ICE1: variants seen among roughly 807,000 people sequenced by gnomAD.
ICE1 encodes little elongation complex subunit 1.
ICE1 carries 64 observed loss-of-function variants against 192.7 expected under a neutral mutation model. That is an observed-to-expected ratio of 0.33 (90% CI 0.27 to 0.41). ICE1 has a LOEUF of 0.41. Among genes scored for constraint, ICE1 ranks in the 10% least tolerant of loss-of-function variants. ICE1 has a pLI of 1.00. For missense variants in ICE1, 2,708 were observed against 2,696.0 expected (o/e 1.00, Z -0.10); for synonymous variants, 1,010 against 984.5 (o/e 1.03, Z -0.49).
chr5:5,465,069 A>G lies in ICE1; in HGVS notation c.5735A>G (p.Asp1912Gly). The change falls in exon 13 of 19, where the codon GAT becomes GGT. Residue 1912 changes from aspartate (D) to glycine (G), a missense_variant. Physicochemically the swap from Asp to Gly is moderately conservative, Grantham distance 94 (BLOSUM62 -1). This residue lies in a region of ICE1 where 2,366 missense variants were observed against 2,276.6 expected (regional missense o/e 1.04). Coordinates refer to ENST00000296564, the MANE Select transcript of ICE1 (RefSeq NM_015325.3). Reference sequence around the variant, plus strand: ...CCAAAAGAAACTGTGGAGTCCCATGATAAAGCCATAGCTAATGCCCTGAAG... The same window carrying G: ...CCAAAAGAAACTGTGGAGTCCCATGGTAAAGCCATAGCTAATGCCCTGAAG... The part of the protein sequence containing the change: ...LSPKETVESH[D>G]KAIANALKKI... 6.2e-7 allele frequency: 1 copy of G among 1,613,968 alleles called. No homozygotes were observed. Among genetic ancestry groups the G allele is most frequent in the South Asian group, 1.1e-5 (1 of 91,056 alleles).
intron 7 of ICE1, 106 bp downstream of exon 7, chr5:5,444,432 G>C (rs962658263): frequency 2.5e-6 from 2 of 790,604 alleles, no homozygotes; most frequent in Non-Finnish European, 4.2e-6. Context: ...TATGGTTTTT[G>C]ATGGTACATC....
chr5:5,423,135 C>T (rs1344172954), intron 1 of ICE1, 136 bp downstream of exon 1: 8 of 442,838 alleles, frequency 1.8e-5, no homozygotes, highest in Middle Eastern at 6.1e-4. Context: ...CTCTTGCTCG[C>T]TCGTCTCTCT....
Position 5,422,981 on chromosome 5 carries a change from C to T in ICE1, c.66C>T (p.Gly22=). 1 of 1,449,234 alleles carries T rather than the reference C, an allele frequency of 6.9e-7. No homozygotes were observed. Among genetic ancestry groups the T allele is most frequent in the Non-Finnish European group, 9.1e-7 (1 of 1,102,470 alleles). The allele number at this position is 1,449,234 out of a possible 1,614,324, so 89.8% of individuals were successfully genotyped here. A position where few individuals can be genotyped will look rare whatever the true frequency, so the allele number is the denominator to read the frequency against. ...GTAADLSRCQ[G]CASLQQNLNE... ...CGGCGGACCTGTCGCGATGTCAGGGCTGCGCCTCTCTGCAGCAGGTGCAGC... is the reference window on the plus strand; with the variant it reads ...CGGCGGACCTGTCGCGATGTCAGGGTTGCGCCTCTCTGCAGCAGGTGCAGC... The change falls in exon 1 of 19, where the codon GGC becomes GGT. Residue 22 remains glycine (G), a synonymous_variant. Coordinates refer to ENST00000296564, the MANE Select transcript of ICE1 (RefSeq NM_015325.3).
At chr5:5,481,311 T>G (rs1160193931) in intron 17 of ICE1, among the ~76,000 whole-genome samples, 2 of 152,220 alleles carry the variant, frequency 1.3e-5, no homozygotes, top group African/African-American at 4.8e-5. Context: ...CTTGTTTTAC[T>G]GGTTGTGTTT....
At chr5:5,426,447 CAA>C (rs569904155) in intron 1 of ICE1, among the ~76,000 whole-genome samples, 25 of 69,092 alleles carry the variant, frequency 3.6e-4, no homozygotes, top group Middle Eastern at 8.5e-3. Context: ...GACTCCGTCT[CAA>C]AAAAAAAAAA....
Position 5,452,147 on chromosome 5 carries a change from G to T in ICE1, c.605-2405G>T, listed in dbSNP as rs1422911528. ...TTACTGTCAAAAACAAGGCAAGCAT[G>T]CTTTTTGTTTGTTCCATTTTTTTTT... On this transcript the variant is annotated intron_variant, in intron 10 of 18. Coordinates refer to ENST00000296564, the MANE Select transcript of ICE1 (RefSeq NM_015325.3). Among the ~76,000 whole-genome samples the T allele has an allele frequency of 2.0e-5, 3 of 148,900 alleles. No homozygotes were observed. The East Asian group carries it at 5.9e-4, about 29-fold the overall frequency.
Position 5,443,215 on chromosome 5 carries a change from A to T in ICE1, c.357A>T (p.Val119=). 6.6e-7 allele frequency: 1 copy of T among 1,515,044 alleles called. No individual in the cohort carries two copies. Among genetic ancestry groups the T allele is most frequent in the East Asian group, 2.5e-5 (1 of 39,600 alleles). 93.9% of individuals were successfully genotyped at this position (1,515,044 alleles called of 1,614,324 possible). The change falls in exon 6 of 19, where the codon GTA becomes GTT. Residue 119 remains valine, a synonymous_variant. Coordinates refer to ENST00000296564, the MANE Select transcript of ICE1 (RefSeq NM_015325.3). ...ATACTCATCAGGAATATGCTCGTGT[A>T]AAGGAAGAATGCTTGAAGAGTGATG... ...YQDTHQEYAR[V]KEECLKSDAQ...
chr5:5,473,358 T>C (rs186145146), intron 15 of ICE1, among the ~76,000 whole-genome samples, 200 bp from the exon 16 acceptor site: 3 of 152,350 alleles, frequency 2.0e-5, no homozygotes, highest in Admixed American at 2.0e-4. Flanking sequence ...ATATTGCTTT[T>C]TAATCTGGCT....
chr5:5,443,018 T>C (rs1308209880), intron 5 of ICE1, 150 bp from the exon 6 acceptor site: 1 of 499,658 alleles, frequency 2.0e-6, no homozygotes, highest in African/African-American at 2.0e-5. Context: ...CTATTAAGAA[T>C]CTGGTTACCT....
At chr5:5,470,859 G>T (rs1019472892) in intron 15 of ICE1, among the ~76,000 whole-genome samples, 6 of 152,264 alleles carry the variant, frequency 3.9e-5, no homozygotes, top group South Asian at 2.1e-4. Flanking sequence ...TAAAATCACA[G>T]TCTTAAAAGT....
At chr5:5,441,571 T>G (rs1738054856) in intron 5 of ICE1, among the ~76,000 whole-genome samples, 1 of 152,224 alleles carries the variant, frequency 6.6e-6, no homozygotes, top group Admixed American at 6.5e-5. Context: ...ATTCAAACTT[T>G]AAATGTAGAG....
intron 1 of ICE1, among the ~76,000 whole-genome samples, chr5:5,427,597 A>G (rs945886544): frequency 2.0e-5 from 3 of 152,192 alleles, no homozygotes; most frequent in Non-Finnish European, 1.5e-5. Context: ...GCCTGTCCAT[A>G]AACTTGTGCT....
intron 18 of ICE1, among the ~76,000 whole-genome samples, chr5:5,488,098 G>C (rs1393754189): frequency 6.6e-6 from 1 of 152,020 alleles, no homozygotes; most frequent in African/African-American, 2.4e-5. Flanking sequence ...TTTTTTATTT[G>C]TTTGAGTCAT....
chr5:5,444,902 T>A (rs1738167088), intron 7 of ICE1, among the ~76,000 whole-genome samples: 2 of 152,168 alleles, frequency 1.3e-5, no homozygotes, highest in African/African-American at 4.8e-5. Context: ...TAATAACCTT[T>A]CAGGAACTGG....
In ICE1 at chr5:5,460,473, A is replaced by G; in HGVS notation, c.1139A>G (p.Asn380Ser). 2 of 1,605,600 alleles carry G rather than the reference A, an allele frequency of 1.2e-6. No homozygotes were observed. The highest frequency in any genetic ancestry group is 1.7e-6 in the Non-Finnish European group (2 of 1,175,692). The stretch of plus-strand genomic sequence containing the variant: ...GGAGAATACACAGATTCCAGCGATA[A>G]TGACTCAGTCCAGCTTAGAAATTCT... ...YFGEYTDSSD[N>S]DSVQLRNSAE... The change falls in exon 13 of 19, where the codon AAT becomes AGT. Residue 380 changes from asparagine to serine, a missense_variant. This residue lies in a region of ICE1 where 2,366 missense variants were observed against 2,276.6 expected (regional missense o/e 1.04). Transcript: ENST00000296564.
chr5:5,477,655 G>A (rs1164860498), intron 17 of ICE1, among the ~76,000 whole-genome samples: 2 of 152,186 alleles, frequency 1.3e-5, no homozygotes, highest in African/African-American at 4.8e-5. Context: ...GCATCATCCT[G>A]ATACCAAAAC....
chr5:5,464,252 A>C lies in ICE1; in HGVS notation c.4918A>C (p.Ile1640Leu). The C allele has an allele frequency of 6.2e-7, 1 of 1,613,514 alleles. No homozygotes were observed. The highest frequency in any genetic ancestry group is 8.5e-7 in the Non-Finnish European group (1 of 1,179,804). Residue 1640 changes from isoleucine (I) to leucine (L), a missense_variant, in exon 13 of 19, where the codon ATA (isoleucine) becomes CTA (leucine). By Grantham distance (5) the Ile-to-Leu change is conservative. This residue lies in a region of ICE1 where 2,366 missense variants were observed against 2,276.6 expected (regional missense o/e 1.04). Coordinates refer to ENST00000296564, the MANE Select transcript of ICE1 (RefSeq NM_015325.3). The surrounding 1 kb of genome is among the most constrained non-coding windows in gnomAD (Gnocchi z 4.0). ...TTTGCCGCCTCTGCTTGCTCCTCTG[A>C]TAGCTACACCTCCAAGGACTTCACA... ...PPLPPLLAPLIATPPRTSQPL... is the reference protein window; with the variant it reads ...PPLPPLLAPLLATPPRTSQPL...
chr5:5,429,960 G>A (rs541837622), intron 1 of ICE1, among the ~76,000 whole-genome samples: 1 of 152,302 alleles, frequency 6.6e-6, no homozygotes, highest in African/African-American at 2.4e-5. Flanking sequence ...TCACCCAGAA[G>A]GCAAAGAAAA....
chr5:5,466,763 G>C (rs910489242), intron 14 of ICE1, among the ~76,000 whole-genome samples: 4 of 152,134 alleles, frequency 2.6e-5, no homozygotes. Flanking sequence ...AGCTGCTTTA[G>C]AATTAGATAT....
Sources: gnomAD v4.1 joint callset for allele counts (sites outside exome capture counted in the v4.1 genomes callset) on GRCh38, gnomAD v4.1.1 for gene constraint, gnomAD v4.1.1 regional missense constraint, Gnocchi (gnomAD v3.1) non-coding constraint, MANE v1.5 for transcripts, NCBI Gene and HGNC (gene_info 2026-07-23, HGNC 2026-07-21) for gene names.